The following RMI1 variants were observed in gnomAD, a reference collection of about 807,000 sequenced individuals.
RMI1 encodes the protein RecQ mediated genome instability 1, also known as recQ-mediated genome instability protein 1.
RMI1 carries 36 observed loss-of-function variants against 46.7 expected under a neutral mutation model. The ratio of observed to expected loss-of-function variants is 0.77; its 90% CI spans 0.59 to 1.02. RMI1 has a LOEUF of 1.02. RMI1 is among the 50% of genes least tolerant of loss of function. The pLI is 0.00. For synonymous variants in RMI1, 250 were observed against 252.9 expected, an observed-to-expected ratio of 0.99 and a Z score of 0.11; for missense variants, 676 against 713.7, an observed-to-expected ratio of 0.95 and a Z score of 0.60.
Position 84,002,736 on chromosome 9 carries a change from G to C in RMI1, c.1750G>C (p.Asp584His). Residue 584 changes from aspartate (D) to histidine (H), a missense_variant, in exon 3 of 3, where the codon GAT (aspartate) becomes CAT (histidine). Asp to His is a moderately conservative substitution (Grantham distance 81). Coordinates refer to ENST00000445877, the MANE Select transcript of RMI1 (RefSeq NM_001358291.2). ...FLEGLQKCQR[D>H]LIDLCCLMTI... ...GGAAGGGTTGCAGAAATGTCAAAGA[G>C]ATCTAATAGATTTGTGCTGTCTAAT... is the stretch of plus-strand genomic sequence containing the variant. 1.2e-6 allele frequency: 2 copies of C among 1,613,856 alleles called. No individual in the cohort carries two copies. Among genetic ancestry groups the C allele is most frequent in the Non-Finnish European group, 1.7e-6 (2 of 1,179,872 alleles).
Position 84,002,730 on chromosome 9 carries a change from CAA to C in RMI1, c.1746_1747del (p.Asp584SerfsTer13). ...QKFLEGLQKC[Q>X]RDLIDLCCLM... Reference sequence around the variant, plus strand: ...GTTCCTGGAAGGGTTGCAGAAATGTCAAAGAGATCTAATAGATTTGTGCTGTC... The same window carrying C: ...GTTCCTGGAAGGGTTGCAGAAATGTCAGAGATCTAATAGATTTGTGCTGTC... On this transcript the variant is annotated frameshift_variant, in exon 3 of 3. Transcript: ENST00000445877. LOFTEE classifies it high-confidence loss of function. The C allele has an allele frequency of 6.2e-7, 1 of 1,613,806 alleles. No homozygotes were observed. Among genetic ancestry groups the C allele is most frequent in the Non-Finnish European group, 8.5e-7 (1 of 1,179,900 alleles).
chr9:83,995,913 A>G (rs925649899), intron 1 of RMI1, among the ~76,000 whole-genome samples: 2 of 151,800 alleles, frequency 1.3e-5, no homozygotes, highest in African/African-American at 4.8e-5. Flanking sequence ...ATTATCTTCT[A>G]TTCTTCTTTT....
intron 1 of RMI1, among the ~76,000 whole-genome samples, chr9:83,990,284 TG>T (rs1363417709): frequency 6.6e-6 from 1 of 152,026 alleles, no homozygotes; most frequent in African/African-American, 2.4e-5. Context: ...GAGGCTGAGG[TG>T]GGCGGATCAC....
At chr9:83,986,316 G>C (rs1251463553) in intron 1 of RMI1, among the ~76,000 whole-genome samples, 3 of 152,154 alleles carry the variant, frequency 2.0e-5, no homozygotes, top group African/African-American at 7.2e-5. Context: ...ATTTACGTGA[G>C]ATCTGAGAAT....
In RMI1 at chr9:84,003,490, T is replaced by C. The variant is rs948851825; in HGVS notation, c.*626T>C. The C allele has an allele frequency of 1.2e-5, 2 of 167,002 alleles. No individual in the cohort carries two copies. Among genetic ancestry groups the C allele is most frequent in the Non-Finnish European group, 2.9e-5 (2 of 68,132 alleles). The allele number at this position is 167,002 out of a possible 1,614,324, so 10.3% of individuals were successfully genotyped here. A position where few individuals can be genotyped will look rare whatever the true frequency, so the allele number is the denominator to read the frequency against. ...TTATAAATAGGTAATTTCCTTCTAATATGTTGGTACTGTCTATGGCCATAC... is the reference window on the plus strand; with the variant it reads ...TTATAAATAGGTAATTTCCTTCTAACATGTTGGTACTGTCTATGGCCATAC... On this transcript the variant is annotated 3_prime_UTR_variant, in exon 3 of 3. Coordinates refer to ENST00000445877, the MANE Select transcript of RMI1 (RefSeq NM_001358291.2).
At chr9:83,991,326 TA>T (rs1377386812) in intron 1 of RMI1, among the ~76,000 whole-genome samples, 1 of 151,550 alleles carries the variant, frequency 6.6e-6, no homozygotes, top group African/African-American at 2.4e-5. Flanking sequence ...TTTTAACTAA[TA>T]TTTTTTAGAG....
chr9:84,000,070 CAT>C (rs553347553), intron 2 of RMI1, among the ~76,000 whole-genome samples: 3 of 152,120 alleles, frequency 2.0e-5, no homozygotes, highest in Non-Finnish European at 2.9e-5. Flanking sequence ...CTTTAGACCA[CAT>C]ATTCAAGTAC....
Position 84,002,976 on chromosome 9 carries a change from C to A in RMI1, c.*112C>A. On this transcript the variant is annotated 3_prime_UTR_variant, in exon 3 of 3. Coordinates refer to ENST00000445877, the MANE Select transcript of RMI1 (RefSeq NM_001358291.2). ...AAAAAGGAAAAATGAAATTTCATAG[C>A]TTATTTCAGTTTAATTTTAAAGTGT... 1 of 606,088 alleles carries A rather than the reference C, an allele frequency of 1.6e-6. No homozygotes were observed. Among genetic ancestry groups the A allele is most frequent in the Non-Finnish European group, 2.8e-6 (1 of 362,176 alleles). 37.5% of individuals were successfully genotyped at this position (606,088 alleles called of 1,614,324 possible).
At chr9:83,998,457 C>G (rs768484403) in intron 1 of RMI1, among the ~76,000 whole-genome samples, 1 of 152,120 alleles carries the variant, frequency 6.6e-6, no homozygotes, top group African/African-American at 2.4e-5. Flanking sequence ...TTAATGGTAG[C>G]AAGCACTTAC....
chr9:83,993,783 T>C (rs1278510727), intron 1 of RMI1, among the ~76,000 whole-genome samples: 1 of 151,726 alleles, frequency 6.6e-6, no homozygotes, highest in Non-Finnish European at 1.5e-5. Flanking sequence ...TATATCTTTT[T>C]ATTATTATTA....
At chr9:83,985,841 T>C (rs1364230303) in intron 1 of RMI1, among the ~76,000 whole-genome samples, 1 of 152,120 alleles carries the variant, frequency 6.6e-6, no homozygotes, top group African/African-American at 2.4e-5. Context: ...ACCCCGTCTC[T>C]ACTAAAAATA....
chr9:83,985,779 C>T (rs748912540), intron 1 of RMI1, among the ~76,000 whole-genome samples: 5 of 152,152 alleles, frequency 3.3e-5, no homozygotes, highest in African/African-American at 1.2e-4. Flanking sequence ...GAGGCCGAGG[C>T]GGGTGGATCA....
chr9:83,993,855 AC>A (rs1223668126), intron 1 of RMI1, among the ~76,000 whole-genome samples: 1 of 151,952 alleles, frequency 6.6e-6, no homozygotes, highest in Admixed American at 6.6e-5. Flanking sequence ...TCGCACACTT[AC>A]GGCTTGCTGC....
In RMI1 at chr9:84,001,480, CA is replaced by C; in HGVS notation, c.499del (p.Ile167PhefsTer2). ...PILHSDLPPG[T>X]KILIYGNISF... Reference sequence around the variant, plus strand: ...CTTCATAGTGATCTTCCTCCAGGTACAAAAATTTTGATTTATGGAAATATAT... The same window carrying C: ...CTTCATAGTGATCTTCCTCCAGGTACAAAATTTTGATTTATGGAAATATAT... On this transcript the variant is annotated frameshift_variant, in exon 3 of 3. Transcript: ENST00000445877. LOFTEE classifies it high-confidence loss of function. 1.2e-6 allele frequency: 2 copies of C among 1,613,894 alleles called. No homozygotes were observed. Among genetic ancestry groups the C allele is most frequent in the South Asian group, 1.1e-5 (1 of 91,078 alleles).
Position 84,001,644 on chromosome 9 carries a change from G to A in RMI1, c.658G>A (p.Val220Ile). ...LIGEPDLVVS[V>I]IPNNSNENIP... The stretch of plus-strand genomic sequence containing the variant: ...AGGGGAACCTGATCTTGTAGTTTCA[G>A]TCATACCAAACAATTCTAACGAAAA... Residue 220 changes from valine (V) to isoleucine (I), a missense_variant, in exon 3 of 3, where the codon GTC (valine) becomes ATC (isoleucine). Coordinates refer to ENST00000445877, the MANE Select transcript of RMI1 (RefSeq NM_001358291.2). 1 of 1,614,026 alleles carries A rather than the reference G, an allele frequency of 6.2e-7. No individual in the cohort carries two copies. The highest frequency in any genetic ancestry group is 8.5e-7 in the Non-Finnish European group (1 of 1,179,984).
At position 84,002,933 on chromosome 9, in the gene RMI1, A is replaced by C. The variant is rs1157123660; in HGVS notation, c.*69A>C. On this transcript the variant is annotated 3_prime_UTR_variant, in exon 3 of 3. Transcript: ENST00000445877. ...ATATTTAGAATTTGTTCACAATTTT[A>C]CTTATGATACTTTGTGTAAAAAGGA... 1.1e-6 allele frequency: 1 copy of C among 936,896 alleles called. No homozygotes were observed. The highest frequency in any genetic ancestry group is 1.7e-5 in the African/African-American group (1 of 60,142). The allele number at this position is 936,896 out of a possible 1,614,324, so 58.0% of individuals were successfully genotyped here.
Sources: allele counts gnomAD v4.1 joint callset (sites outside exome capture counted in the v4.1 genomes callset), GRCh38; gene constraint gnomAD v4.1.1; transcripts MANE v1.5; gene names NCBI Gene and HGNC (gene_info 2026-07-23, HGNC 2026-07-21).